KIF17: variants seen among roughly 807,000 people sequenced by gnomAD.
KIF17 encodes kinesin family member 17.
In KIF17, 80 loss-of-function variants were observed where a neutral mutation model predicts 96.8. The observed-to-expected ratio is 0.83, with a 90% CI of 0.69 to 1.00. KIF17 has a LOEUF of 1.00. KIF17 is among the 50% of genes least tolerant of loss of function. KIF17 has a pLI of 0.00. For missense variants in KIF17, 1,280 were observed against 1,372.9 expected, an observed-to-expected ratio of 0.93 and a Z score of 1.07; for synonymous variants, 567 against 587.5, an observed-to-expected ratio of 0.97 and a Z score of 0.51.
intron 6 of KIF17, among the ~76,000 whole-genome samples, chr1:20,695,119 T>TAC (rs751412153): frequency 0.011 from 1,587 of 141,008 alleles, 21 homozygotes; most frequent in African/African-American, 0.039. Context: ...CGCACACGCA[T>TAC]ACACACACGC....
In KIF17 at chr1:20,700,911, T is replaced by C. The variant is rs2054222746; in HGVS notation, c.1124-2423A>G. ...TCAACCCCAACGCCCACCAGAATTA[T>C]TCAGATCAGCTGGTCCCAACCTGCC... is the stretch of plus-strand genomic sequence containing the variant. On this transcript the variant is annotated intron_variant, in intron 5 of 14. Transcript: ENST00000400463. This position sits in a 1 kb window ranked among gnomAD's most constrained non-coding sequence, Gnocchi z 4.6. Among the ~76,000 whole-genome samples the C allele has an allele frequency of 6.6e-6, 1 of 152,130 alleles. No homozygotes were observed. The highest frequency in any genetic ancestry group is 2.4e-5 in the African/African-American group (1 of 41,448).
At position 20,687,537 on chromosome 1, in the gene KIF17, G is replaced by A. The variant is rs2053960169; in HGVS notation, c.1789C>T (p.Pro597Ser). 1 of 1,613,310 alleles carries A rather than the reference G, an allele frequency of 6.2e-7. No homozygotes were observed. The highest frequency in any genetic ancestry group is 1.3e-5 in the African/African-American group (1 of 74,910). The change falls in exon 8 of 15, where the codon CCG becomes TCG. Residue 597 changes from proline to serine, a missense_variant. By Grantham distance (74) the Pro-to-Ser change is moderately conservative. Transcript: ENST00000400463. This position sits in a 1 kb window ranked among gnomAD's most constrained non-coding sequence, Gnocchi z 4.4. ...GGCACCTCCTGCGGCTCCTCTTGCG[G>A]GAGGTAGTTCTGTTCCCCCAGCAGG... is the stretch of plus-strand genomic sequence containing the variant. ...GHLLGEQNYL[P>S]QEEPQEVPLQ...
intron 8 of KIF17, among the ~76,000 whole-genome samples, chr1:20,686,867 A>G (rs2053947486): frequency 1.3e-5 from 2 of 151,822 alleles, no homozygotes; most frequent in Admixed American, 6.5e-5. Context: ...GGCCAAGAGG[A>G]ACATTGTTTT....
At chr1:20,697,959 C>T (rs1233214776) in intron 6 of KIF17, among the ~76,000 whole-genome samples, 1 of 152,188 alleles carries the variant, frequency 6.6e-6, no homozygotes. Flanking sequence ...TCAGACTTGT[C>T]GTCGGCTGCT....
At chr1:20,711,429 C>T (rs2054434666) in intron 3 of KIF17, among the ~76,000 whole-genome samples, 1 of 152,206 alleles carries the variant, frequency 6.6e-6, no homozygotes, top group Non-Finnish European at 1.5e-5. Flanking sequence ...CTCAGCCGCG[C>T]ACCAGGTTCC....
At chr1:20,696,834 C>G (rs1160768462) in intron 6 of KIF17, among the ~76,000 whole-genome samples, 2 of 152,150 alleles carry the variant, frequency 1.3e-5, no homozygotes, top group Non-Finnish European at 2.9e-5. Flanking sequence ...GCGGGCTTGT[C>G]TGAGCTCAGC....
In KIF17 at chr1:20,687,510, G is replaced by C; in HGVS notation, c.1816C>G (p.Leu606Val). Residue 606 changes from leucine (L) to valine (V), a missense_variant, in exon 8 of 15, where the codon CTG becomes GTG. Physicochemically the swap from Leu to Val is conservative, Grantham distance 32. Coordinates refer to ENST00000400463, the MANE Select transcript of KIF17 (RefSeq NM_001122819.3). This position sits in a 1 kb window ranked among gnomAD's most constrained non-coding sequence, Gnocchi z 4.4. ...TCCTGCAGGCCTAGTAACCCCTGCA[G>C]GGGCACCTCCTGCGGCTCCTCTTGC... Reference protein sequence around the residue: ...LPQEEPQEVPLQGLLGLQDPF... With the variant: ...LPQEEPQEVPVQGLLGLQDPF... 1 of 1,613,408 alleles carries C rather than the reference G, an allele frequency of 6.2e-7. No individual in the cohort carries two copies. The highest frequency in any genetic ancestry group is 8.5e-7 in the Non-Finnish European group (1 of 1,179,554).
At chr1:20,684,144 G>T (rs2053886762) in intron 10 of KIF17, among the ~76,000 whole-genome samples, 1 of 152,246 alleles carries the variant, frequency 6.6e-6, no homozygotes, top group Admixed American at 6.5e-5. Context: ...GAGGAGGCAG[G>T]CTGGGAACTG....
intron 6 of KIF17, among the ~76,000 whole-genome samples, chr1:20,691,749 A>C (rs993901006): frequency 1.3e-5 from 2 of 151,750 alleles, no homozygotes; most frequent in Non-Finnish European, 2.9e-5. Flanking sequence ...GATTACAGGC[A>C]TGAGCCACCA....
intron 6 of KIF17, among the ~76,000 whole-genome samples, chr1:20,691,833 C>G (rs956742773): frequency 6.6e-6 from 1 of 152,208 alleles, no homozygotes; most frequent in African/African-American, 2.4e-5. Context: ...TTTATCCACA[C>G]AGCAATATAT....
intron 7 of KIF17, 149 bp from the exon 8 acceptor site, chr1:20,688,093 C>G (rs1453007159): frequency 4.3e-6 from 3 of 695,322 alleles, no homozygotes; most frequent in Non-Finnish European, 7.3e-6. Context: ...GTCGCCCGGG[C>G]TGGAGTGCAG....
chr1:20,713,631 T>A, intron 2 of KIF17, 76 bp from the exon 3 acceptor site: 1 of 1,072,918 alleles, frequency 9.3e-7, no homozygotes, highest in Non-Finnish European at 1.4e-6. Flanking sequence ...CCCTGGGGCC[T>A]GGGCCCTCTG....
intron 11 of KIF17, among the ~76,000 whole-genome samples, chr1:20,680,736 A>G (rs1056006905): frequency 6.6e-6 from 1 of 152,216 alleles, no homozygotes; most frequent in Non-Finnish European, 1.5e-5. Context: ...AAAGAAAGGA[A>G]AAAATATTAG....
intron 7 of KIF17, among the ~76,000 whole-genome samples, chr1:20,689,448 C>A (rs569037294): frequency 6.6e-6 from 1 of 152,126 alleles, no homozygotes. Flanking sequence ...CCCAGGAGTT[C>A]GAGACCAGCC....
chr1:20,684,735 C>A, intron 10 of KIF17, 74 bp downstream of exon 10: 6 of 1,431,694 alleles, frequency 4.2e-6, no homozygotes, highest in Non-Finnish European at 5.7e-6. Flanking sequence ...TATGGCACCC[C>A]CGCCTCCATC....
chr1:20,701,844 G>A (rs1206921289), intron 5 of KIF17, among the ~76,000 whole-genome samples: 1 of 152,208 alleles, frequency 6.6e-6, no homozygotes. Flanking sequence ...CTGGGTAGGG[G>A]CAAGAGAGAG....
Position 20,664,226 on chromosome 1 carries a change from C to T in KIF17, c.*358G>A. The T allele has an allele frequency of 1.4e-6, 1 of 718,512 alleles. No individual in the cohort carries two copies. The highest frequency in any genetic ancestry group is 2.0e-6 in the Non-Finnish European group (1 of 511,434). The allele number at this position is 718,512 out of a possible 1,614,324, so 44.5% of individuals were successfully genotyped here. On this transcript the variant is annotated 3_prime_UTR_variant, in exon 15 of 15. Transcript: ENST00000400463. ...CTTCCTCCACGTGGCAGCTGCTGCC[C>T]TCTCCATCAGGGCTGGTGAAGGCCG...
chr1:20,687,873 C>A lies in KIF17; in HGVS notation c.1453G>T (p.Glu485Ter), dbSNP rs1406478222. 1 of 1,614,004 alleles carries A rather than the reference C, an allele frequency of 6.2e-7. No individual in the cohort carries two copies. Among genetic ancestry groups the A allele is most frequent in the Non-Finnish European group, 8.5e-7 (1 of 1,180,024 alleles). The change falls in exon 8 of 15, where the codon GAG becomes TAG. Residue 485 changes from glutamate to a stop codon, truncating the protein, a stop_gained. Transcript: ENST00000400463. LOFTEE classifies it high-confidence loss of function. This position sits in a 1 kb window ranked among gnomAD's most constrained non-coding sequence, Gnocchi z 4.4. ...MSRAEFASSAEYPPAFQYETV... is the reference protein window; with the variant it reads ...MSRAEFASSA ...TCATACTGAAAAGCAGGCGGGTACT[C>A]AGCGCTGCTGGCAAACTCAGCCCTG...
At chr1:20,703,708 T>C (rs2054287917) in intron 5 of KIF17, among the ~76,000 whole-genome samples, 1 of 151,638 alleles carries the variant, frequency 6.6e-6, no homozygotes. Context: ...AATGAATAGA[T>C]GGAGAGGAAG....
Sources: gnomAD v4.1 joint callset for allele counts (sites outside exome capture counted in the v4.1 genomes callset) on GRCh38, gnomAD v4.1.1 for gene constraint, Gnocchi (gnomAD v3.1) non-coding constraint, MANE v1.5 for transcripts, NCBI Gene and HGNC (gene_info 2026-07-23, HGNC 2026-07-21) for gene names.